Variants in PDE11A observed in about 807,000 individuals in gnomAD.
The protein encoded by PDE11A is phosphodiesterase 11A.
PDE11A carries 100 observed loss-of-function variants against 100.5 expected under a neutral mutation model. The observed-to-expected ratio is 1.00, with a 90% CI of 0.85 to 1.18. The LOEUF (loss-of-function observed/expected upper bound fraction) is 1.18, where lower values mean the gene tolerates loss of function less well. PDE11A is among the 50% of genes most tolerant of loss of function. The probability of loss-of-function intolerance (pLI) is 0.00; values close to 1 mark genes in which losing one functional copy is unlikely to be tolerated. For synonymous variants in PDE11A, 381 were observed against 420.8 expected (o/e 0.91, Z 1.16); for missense variants, 1,141 against 1,152.6 (o/e 0.99, Z 0.15).
chr2:178,042,705 T>C (rs966061876), intron 1 of PDE11A, among the ~76,000 whole-genome samples: 1 of 152,166 alleles, frequency 6.6e-6, no homozygotes, highest in African/African-American at 2.4e-5. Context: ...AGTATATGAT[T>C]TTAAGTAACA....
At chr2:177,902,096 AT>A (rs1315978005) in intron 3 of PDE11A, among the ~76,000 whole-genome samples, 1 of 152,230 alleles carries the variant, frequency 6.6e-6, no homozygotes, top group Admixed American at 6.5e-5. Context: ...AAGCCATGAT[AT>A]CCCCTGTGAC....
intron 9 of PDE11A, among the ~76,000 whole-genome samples, chr2:177,807,933 G>A (rs2082896918): frequency 6.6e-6 from 1 of 152,066 alleles, no homozygotes; most frequent in East Asian, 1.9e-4. Flanking sequence ...CTTTTATAAA[G>A]AGATTAAAAG....
Position 177,669,560 on chromosome 2 carries a change from T to C in PDE11A, c.2495A>G (p.Glu832Gly). 7.1e-7 allele frequency: 1 copy of C among 1,413,924 alleles called. No individual in the cohort carries two copies. 87.6% of individuals were successfully genotyped at this position (1,413,924 alleles called of 1,614,324 possible). Residue 832 changes from glutamate to glycine, a missense_variant, in exon 18 of 20, where the codon GAA (glutamate) becomes GGA (glycine). Transcript: ENST00000286063. The stretch of plus-strand genomic sequence containing the variant: ...TTCGAAGAACTCACTGGTTACAAGT[T>C]CTGCCACCTGAAACATATAAATATT... Reference protein sequence around the residue: ...KPWEISRQVAELVTSEFFEQG... With the variant: ...KPWEISRQVAGLVTSEFFEQG...
At chr2:177,849,649 G>T (rs1225525652) in intron 5 of PDE11A, among the ~76,000 whole-genome samples, 1 of 151,556 alleles carries the variant, frequency 6.6e-6, no homozygotes, top group African/African-American at 2.4e-5. Context: ...ATTTTTAGTA[G>T]AGATGAGGTT....
At chr2:177,776,284 T>C (rs2082376280) in intron 9 of PDE11A, among the ~76,000 whole-genome samples, 1 of 152,180 alleles carries the variant, frequency 6.6e-6, no homozygotes, top group Non-Finnish European at 1.5e-5. Context: ...ATGGTTTATC[T>C]GAAATTCAAA....
At chr2:177,800,609 T>C (rs924901129) in intron 9 of PDE11A, among the ~76,000 whole-genome samples, 4 of 152,218 alleles carry the variant, frequency 2.6e-5, no homozygotes, top group African/African-American at 9.6e-5. Context: ...CTATACTTGA[T>C]CCACTCAACA....
At chr2:178,041,458 G>A (rs1475798857) in intron 1 of PDE11A, among the ~76,000 whole-genome samples, 1 of 151,220 alleles carries the variant, frequency 6.6e-6, no homozygotes, top group Non-Finnish European at 1.5e-5. Flanking sequence ...TGGTCAGGCT[G>A]GTCTCGAACT....
At chr2:177,716,462 T>A (rs2081438847) in intron 12 of PDE11A, among the ~76,000 whole-genome samples, 1 of 152,196 alleles carries the variant, frequency 6.6e-6, no homozygotes, top group South Asian at 2.1e-4. Context: ...CCCTTCACTT[T>A]CTGCCTTCAT....
chr2:177,813,752 A>C (rs2082989183), intron 9 of PDE11A, among the ~76,000 whole-genome samples: 1 of 151,930 alleles, frequency 6.6e-6, no homozygotes, highest in Non-Finnish European at 1.5e-5. Flanking sequence ...CTCCCTTTTT[A>C]AGGAAGGAAA....
chr2:177,683,555 A>C (rs907448440), intron 15 of PDE11A: 1 of 152,258 alleles, frequency 6.6e-6, no homozygotes, highest in African/African-American at 2.4e-5. Context: ...CGCTGTTTGC[A>C]GTAGGGAGGA....
chr2:177,946,709 C>A (rs1574299966), intron 2 of PDE11A, among the ~76,000 whole-genome samples: 1 of 115,226 alleles, frequency 8.7e-6, no homozygotes, highest in Admixed American at 8.3e-5. Context: ...CCCCGCCCGG[C>A]CAGCCGCCCC....
chr2:177,722,510 T>C (rs1035547945), intron 12 of PDE11A, among the ~76,000 whole-genome samples: 2 of 152,278 alleles, frequency 1.3e-5, no homozygotes, highest in South Asian at 2.1e-4. Context: ...ATAAAATAAA[T>C]GTGGATAAAG....
chr2:178,011,535 C>T lies in PDE11A; in HGVS notation c.1071+2767G>A, dbSNP rs75102963. On this transcript the variant is annotated intron_variant, in intron 2 of 19. Coordinates refer to ENST00000286063, the MANE Select transcript of PDE11A (RefSeq NM_016953.4). ...GAGGTGCAGAGCTTCTGATCCTTCT[C>T]TGGGTGTGCCACCCTCCCAGCTACC... is the stretch of plus-strand genomic sequence containing the variant. Among the ~76,000 whole-genome samples, 389 of 152,314 alleles carry T rather than the reference C, an allele frequency of 2.6e-3. 15 individuals are homozygous for T. In the East Asian group the frequency reaches 0.07, roughly 27 times the overall value.
chr2:177,839,354 A>G (rs993750076), intron 6 of PDE11A, among the ~76,000 whole-genome samples: 1 of 152,242 alleles, frequency 6.6e-6, no homozygotes, highest in Admixed American at 6.5e-5. Context: ...TTAACTGTTC[A>G]GTTGTTATCA....
At chr2:178,103,448 T>C (rs796506982) in intron 2 of PDE11A, among the ~76,000 whole-genome samples, 29 of 152,192 alleles carry the variant, frequency 1.9e-4, no homozygotes, top group African/African-American at 7.0e-4. Flanking sequence ...GGCGGTGATT[T>C]TACAGCATTA....
intron 15 of PDE11A, among the ~76,000 whole-genome samples, chr2:177,690,968 A>G (rs2081032758): frequency 6.6e-6 from 1 of 152,214 alleles, no homozygotes; most frequent in South Asian, 2.1e-4. Flanking sequence ...CATTGATATG[A>G]TAATTCAGTA....
chr2:178,002,048 T>A (rs2086151429), intron 2 of PDE11A, among the ~76,000 whole-genome samples: 1 of 151,994 alleles, frequency 6.6e-6, no homozygotes, highest in African/African-American at 2.4e-5. Flanking sequence ...TAGTTAGTTT[T>A]TCAACACTTG....
chr2:177,832,651 A>G (rs2083331029), intron 6 of PDE11A, among the ~76,000 whole-genome samples: 2 of 151,996 alleles, frequency 1.3e-5, no homozygotes, highest in Non-Finnish European at 2.9e-5. Flanking sequence ...GCTTCCTGAT[A>G]AGATCTTGGG....
At chr2:177,723,650 A>G (rs1025257003) in intron 12 of PDE11A, among the ~76,000 whole-genome samples, 1 of 152,198 alleles carries the variant, frequency 6.6e-6, no homozygotes, top group African/African-American at 2.4e-5. Flanking sequence ...CTTGAATAAT[A>G]TTACCCTAAA....
Sources: allele counts gnomAD v4.1 joint callset (sites outside exome capture counted in the v4.1 genomes callset), GRCh38; gene constraint gnomAD v4.1.1; transcripts MANE v1.5; gene names NCBI Gene and HGNC (gene_info 2026-07-23, HGNC 2026-07-21).